Variants in SRFBP1 observed in about 807,000 individuals in gnomAD.
SRFBP1 encodes the protein serum response factor binding protein 1.
In SRFBP1, 47 loss-of-function variants were observed where a neutral mutation model predicts 45.5. The ratio of observed to expected loss-of-function variants is 1.03; its 90% CI spans 0.82 to 1.32. The LOEUF is 1.32. Ranked by LOEUF, SRFBP1 falls within the 40% of genes most tolerant of loss-of-function variation. The probability of loss-of-function intolerance (pLI) is 0.00; values close to 1 mark genes in which losing one functional copy is unlikely to be tolerated. For missense variants in SRFBP1, 621 were observed against 484.6 expected, an observed-to-expected ratio of 1.28 and a Z score of -2.64; for synonymous variants, 203 against 166.3, an observed-to-expected ratio of 1.22 and a Z score of -1.70.
intron 7 of SRFBP1, among the ~76,000 whole-genome samples, chr5:122,023,465 C>T (rs538485525): frequency 5.1e-4 from 77 of 152,200 alleles, no homozygotes; most frequent in Non-Finnish European, 8.7e-4. Flanking sequence ...TACCATGTAT[C>T]GAGTAGCAGA....
chr5:122,050,912 G>A (rs999197884), intron 2 of SRFBP1, among the ~76,000 whole-genome samples: 54 of 151,946 alleles, frequency 3.6e-4, no homozygotes, highest in Admixed American at 3.3e-3. Context: ...CCCTGTTAAC[G>A]CTGTCTTATC....
intron 1 of SRFBP1, among the ~76,000 whole-genome samples, chr5:121,963,507 G>A (rs1042638506): frequency 6.6e-6 from 1 of 152,132 alleles, no homozygotes; most frequent in Non-Finnish European, 1.5e-5. Context: ...GACAGGGGAT[G>A]AGTCATTAAA....
At chr5:122,033,107 G>T (rs1753616758), downstream of SRFBP1, among the ~76,000 whole-genome samples, 1 of 151,492 alleles carries the variant, frequency 6.6e-6, no homozygotes, top group South Asian at 2.1e-4. Context: ...AATGTTTAAG[G>T]ACCACTTTTG....
At chr5:122,005,460 G>C (rs1033965908) in intron 4 of SRFBP1, among the ~76,000 whole-genome samples, 11 of 152,006 alleles carry the variant, frequency 7.2e-5, no homozygotes, top group African/African-American at 2.7e-4. Context: ...TACTCCTACT[G>C]TCTTTTTATT....
At chr5:121,973,574 G>T (rs1248973366) in intron 1 of SRFBP1, among the ~76,000 whole-genome samples, 1 of 148,212 alleles carries the variant, frequency 6.7e-6, no homozygotes, top group Non-Finnish European at 1.5e-5. Context: ...CTCCAGTAGG[G>T]TGATTTAAAT....
chr5:122,017,342 T>C (rs1753211569), intron 4 of SRFBP1, among the ~76,000 whole-genome samples: 1 of 152,194 alleles, frequency 6.6e-6, no homozygotes, highest in South Asian at 2.1e-4. Flanking sequence ...GAAACTTTCC[T>C]GTGTCTTTGA....
At chr5:122,024,747 A>G (rs79492746) in intron 7 of SRFBP1, among the ~76,000 whole-genome samples, 3,540 of 152,302 alleles carry the variant, frequency 0.023, 65 homozygotes, top group Non-Finnish European at 0.04. Context: ...ACACAGGATA[A>G]CTGTAAATAT....
intron 7 of SRFBP1, 46 bp from the exon 8 acceptor site, chr5:122,026,896 G>A: frequency 7.9e-7 from 1 of 1,272,582 alleles, no homozygotes; most frequent in South Asian, 1.7e-5. Context: ...TCTCCTATAT[G>A]CTCTTTAAGT....
At chr5:122,010,993 A>G (rs1435441864) in intron 4 of SRFBP1, among the ~76,000 whole-genome samples, 1 of 152,142 alleles carries the variant, frequency 6.6e-6, no homozygotes, top group Non-Finnish European at 1.5e-5. Flanking sequence ...TTCTCGTGAT[A>G]CAGCCAAATG....
downstream of SRFBP1, among the ~76,000 whole-genome samples, chr5:122,031,936 A>C (rs948745658): frequency 6.6e-6 from 1 of 152,224 alleles, no homozygotes; most frequent in African/African-American, 2.4e-5. Context: ...ATCCATAGAG[A>C]CTGAAAATAC....
intron 2 of SRFBP1, among the ~76,000 whole-genome samples, chr5:122,033,950 G>C (rs1266811497): frequency 1.3e-5 from 2 of 150,590 alleles, no homozygotes; most frequent in African/African-American, 4.9e-5. Flanking sequence ...CAGCCTCCTG[G>C]GTAGCTGGGA....
intron 4 of SRFBP1, among the ~76,000 whole-genome samples, chr5:122,008,351 C>G (rs146660169): frequency 1.3e-5 from 2 of 152,030 alleles, no homozygotes; most frequent in Non-Finnish European, 2.9e-5. Flanking sequence ...AGTCTCAGTC[C>G]TTGGTTACCA....
At chr5:122,039,169 G>A (rs1286578821) in intron 2 of SRFBP1, among the ~76,000 whole-genome samples, 1 of 152,166 alleles carries the variant, frequency 6.6e-6, no homozygotes, top group African/African-American at 2.4e-5. Context: ...TAATGGGAAT[G>A]GCAGCTTCTA....
At chr5:122,061,687 T>C (rs1463604633) in intron 2 of SRFBP1, among the ~76,000 whole-genome samples, 1 of 151,978 alleles carries the variant, frequency 6.6e-6, no homozygotes, top group African/African-American at 2.4e-5. Context: ...GGGAAGAGAT[T>C]TTAATAAGCG....
In SRFBP1 at chr5:121,998,811, G is replaced by A. The variant is rs552319008; in HGVS notation, c.270+4141G>A. Among the ~76,000 whole-genome samples, 26 of 152,144 alleles carry A rather than the reference G, an allele frequency of 1.7e-4. No homozygotes were observed. In the East Asian group the frequency reaches 2.5e-3, roughly 15 times the overall value. ...TGGAACCCAAAAAGAATTAAATTAG[G>A]TGATTAAGAACACACCAGTGTTAGG... is the stretch of plus-strand genomic sequence containing the variant. On this transcript the variant is annotated intron_variant, in intron 4 of 7. Transcript: ENST00000339397.
intron 3 of SRFBP1, among the ~76,000 whole-genome samples, chr5:121,986,014 A>G (rs536654561): frequency 6.6e-6 from 1 of 152,064 alleles, no homozygotes; most frequent in East Asian, 1.9e-4. Context: ...TCACATATAT[A>G]TGATATTTAA....
chr5:122,077,069 C>T, downstream of SRFBP1: 1 of 1,584,740 alleles, frequency 6.3e-7, no homozygotes. This position sits in a 1 kb window ranked among gnomAD's most constrained non-coding sequence, Gnocchi z 4.9. Flanking sequence ...ACTCCCTACC[C>T]CTCTAGGTCC....
intron 2 of SRFBP1, among the ~76,000 whole-genome samples, chr5:122,057,030 T>C (rs757911839): frequency 6.6e-6 from 1 of 152,148 alleles, no homozygotes; most frequent in Non-Finnish European, 1.5e-5. Flanking sequence ...AATTTAAAAT[T>C]GAAAAATCTG....
chr5:122,037,100 A>G (rs984307357), intron 2 of SRFBP1, among the ~76,000 whole-genome samples: 1 of 151,978 alleles, frequency 6.6e-6, no homozygotes, highest in Admixed American at 6.6e-5. Context: ...GTTTCTCTAT[A>G]TTGATCAGGC....
Sources: allele counts gnomAD v4.1 joint callset (sites outside exome capture counted in the v4.1 genomes callset), GRCh38; gene constraint gnomAD v4.1.1; non-coding constraint Gnocchi (gnomAD v3.1); transcripts MANE v1.5; gene names NCBI Gene and HGNC (gene_info 2026-07-23, HGNC 2026-07-21).